The following BCL7C variants were observed in gnomAD, a reference collection of about 807,000 sequenced individuals.
BCL7C encodes B-cell CLL/lymphoma 7 protein family member C.
BCL7C carries 8 observed loss-of-function variants against 26.2 expected under a neutral mutation model. The observed-to-expected ratio is 0.30, with a 90% CI of 0.18 to 0.55. The LOEUF is 0.55. BCL7C is among the 20% of genes least tolerant of loss of function. The pLI is 0.93. For synonymous variants in BCL7C, 90 were observed against 116.5 expected (o/e 0.77, Z 1.47); for missense variants, 262 against 298.5 (o/e 0.88, Z 0.90).
chr16:30,850,527 T>C (rs957183199), intron 5 of BCL7C, among the ~76,000 whole-genome samples: 17 of 152,174 alleles, frequency 1.1e-4, no homozygotes, highest in African/African-American at 3.9e-4. Context: ...CTAGACTATA[T>C]CATATAGACT....
chr16:30,860,343 G>A (rs760952997), intron 5 of BCL7C, among the ~76,000 whole-genome samples: 3 of 152,122 alleles, frequency 2.0e-5, no homozygotes, highest in Non-Finnish European at 4.4e-5. Flanking sequence ...CTGTGGGGAC[G>A]CCTGCTTTGG....
In BCL7C at chr16:30,834,864, T is replaced by C; in HGVS notation, c.*84A>G. 2 of 1,345,872 alleles carry C rather than the reference T, an allele frequency of 1.5e-6. No individual in the cohort carries two copies. The highest frequency in any genetic ancestry group is 2.0e-6 in the Non-Finnish European group (2 of 1,009,506). The allele number at this position is 1,345,872 out of a possible 1,614,324, so 83.4% of individuals were successfully genotyped here. A position where few individuals can be genotyped will look rare whatever the true frequency, so the allele number is the denominator to read the frequency against. ...GCGGTGGGTGAGCTGGGAAGCTCTT[T>C]CCGCCCTCGGGGCACAGGTAGTGGC... On this transcript the variant is annotated 3_prime_UTR_variant, in exon 6 of 6. Coordinates refer to the BCL7C transcript ENST00000380317. This position sits in a 1 kb window ranked among gnomAD's most constrained non-coding sequence, Gnocchi z 4.3.
chr16:30,866,786 T>A (rs1227308738), intron 5 of BCL7C, among the ~76,000 whole-genome samples: 1 of 152,084 alleles, frequency 6.6e-6, no homozygotes, highest in Non-Finnish European at 1.5e-5. Flanking sequence ...GGGCGTGCCG[T>A]CTCATGCCTG....
At chr16:30,892,547 A>G (rs2143186498) in intron 4 of BCL7C, 39 bp downstream of exon 4, 1 of 1,525,004 alleles carries the variant, frequency 6.6e-7, no homozygotes, top group Non-Finnish European at 8.8e-7. Context: ...AGAAGACAGG[A>G]CTTAGAGGAG....
Position 30,893,312 on chromosome 16 carries a change from G to A in BCL7C, c.93-22C>T. ...CTCCCTGTGGGAGGGTGGGGGGCTGGGTCAGAGAGGCCTGAGGGGAGACCC... is the reference window on the plus strand; with the variant it reads ...CTCCCTGTGGGAGGGTGGGGGGCTGAGTCAGAGAGGCCTGAGGGGAGACCC... On this transcript the variant is annotated intron_variant, in intron 1 of 5. Transcript: ENST00000215115. This position sits in a 1 kb window ranked among gnomAD's most constrained non-coding sequence, Gnocchi z 5.2. The A allele has an allele frequency of 5.0e-6, 8 of 1,607,388 alleles. No homozygotes were observed. The highest frequency in any genetic ancestry group is 6.8e-6 in the Non-Finnish European group (8 of 1,175,604).
chr16:30,860,657 A>G (rs1257781243), intron 5 of BCL7C, among the ~76,000 whole-genome samples: 1 of 152,170 alleles, frequency 6.6e-6, no homozygotes, highest in African/African-American at 2.4e-5. Flanking sequence ...TTGTTGTAAA[A>G]TGGGCAAATG....
At chr16:30,871,916 G>A (rs2054885580) in intron 5 of BCL7C, among the ~76,000 whole-genome samples, 1 of 152,088 alleles carries the variant, frequency 6.6e-6, no homozygotes, top group Non-Finnish European at 1.5e-5. Flanking sequence ...CTCAAGTTTG[G>A]GTCAAGTTGA....
intron 5 of BCL7C, among the ~76,000 whole-genome samples, chr16:30,866,759 T>C (rs548154228): frequency 7.9e-4 from 120 of 152,222 alleles, no homozygotes; most frequent in African/African-American, 2.8e-3. Context: ...TAACCTATTA[T>C]AAGTCAGAGG....
At chr16:30,870,590 G>A (rs894110963) in intron 5 of BCL7C, among the ~76,000 whole-genome samples, 6 of 151,948 alleles carry the variant, frequency 3.9e-5, no homozygotes, top group Non-Finnish European at 5.9e-5. Context: ...CAGGAGGATC[G>A]CTTGAGCCCA....
intron 5 of BCL7C, among the ~76,000 whole-genome samples, chr16:30,841,101 T>C (rs766573125): frequency 2.6e-5 from 4 of 152,076 alleles, no homozygotes; most frequent in Non-Finnish European, 4.4e-5. Flanking sequence ...CTTGAGCACT[T>C]AGAAGGGAGC....
intron 5 of BCL7C, among the ~76,000 whole-genome samples, chr16:30,882,110 A>G (rs1219873571): frequency 6.6e-6 from 1 of 151,850 alleles, no homozygotes; most frequent in Non-Finnish European, 1.5e-5. Context: ...ATAGGCACCC[A>G]CTACCAGGCC....
At chr16:30,845,507 G>A (rs2054628587) in intron 5 of BCL7C, among the ~76,000 whole-genome samples, 2 of 152,166 alleles carry the variant, frequency 1.3e-5, no homozygotes, top group Non-Finnish European at 2.9e-5. Flanking sequence ...ACAGTGCTTG[G>A]TGGAATAGCA....
At chr16:30,833,929 G>T (rs1054298272) in exon 6 of BCL7C, 6 of 152,220 alleles carry the variant, frequency 3.9e-5, no homozygotes, top group Non-Finnish European at 7.3e-5. Flanking sequence ...CTTTGGGCAG[G>T]TTCCTTAACC....
intron 5 of BCL7C, among the ~76,000 whole-genome samples, chr16:30,874,096 A>C (rs2054910056): frequency 6.7e-6 from 1 of 150,328 alleles, no homozygotes. Flanking sequence ...CCCGGGTTCA[A>C]GGGATTCTCC....
intron 5 of BCL7C, among the ~76,000 whole-genome samples, chr16:30,867,254 TG>T (rs1423142752): frequency 6.6e-6 from 1 of 152,296 alleles, no homozygotes; most frequent in East Asian, 1.9e-4. Flanking sequence ...TTTCTTGGTT[TG>T]GGTGGTGGTT....
At chr16:30,857,543 A>C (rs186138678) in intron 5 of BCL7C, among the ~76,000 whole-genome samples, 2 of 152,252 alleles carry the variant, frequency 1.3e-5, no homozygotes, top group African/African-American at 4.8e-5. Flanking sequence ...TGGTTCTCAC[A>C]GGTCTCTTAG....
In BCL7C at chr16:30,893,066, G is replaced by A. The variant is rs1267647811; in HGVS notation, c.172-118C>T. The stretch of plus-strand genomic sequence containing the variant: ...CAGGGGGTGTGGAGCAGAAAAGAGG[G>A]CAAAAGGGGAGGAGCTGCTAATGAT... On this transcript the variant is annotated intron_variant, in intron 2 of 5. Transcript: ENST00000215115. The surrounding 1 kb of genome is among the most constrained non-coding windows in gnomAD (Gnocchi z 5.2). 1.6e-6 allele frequency: 2 copies of A among 1,237,368 alleles called. No individual in the cohort carries two copies. Among genetic ancestry groups the A allele is most frequent in the African/African-American group, 1.5e-5 (1 of 66,394 alleles). 76.6% of individuals were successfully genotyped at this position (1,237,368 alleles called of 1,614,324 possible). A position where few individuals can be genotyped will look rare whatever the true frequency, so the allele number is the denominator to read the frequency against.
In BCL7C at chr16:30,892,870, C is replaced by G; in HGVS notation, c.250G>C (p.Gly84Arg). The change falls in exon 3 of 6, where the codon GGT (glycine) becomes CGT (arginine). Residue 84 changes from glycine (G) to arginine (R), a missense_variant. Gly to Arg is a moderately radical substitution (Grantham distance 125). Transcript: ENST00000215115. ...RRGRGASPRG[G>R]GPLILLDLND... ...AGATCCAGCAGGATGAGAGGGCCACCCCCTCGGGGACTGGCGCCCCTGCCC... is the reference window on the plus strand; with the variant it reads ...AGATCCAGCAGGATGAGAGGGCCACGCCCTCGGGGACTGGCGCCCCTGCCC... The G allele has an allele frequency of 6.2e-7, 1 of 1,613,074 alleles. No individual in the cohort carries two copies. The highest frequency in any genetic ancestry group is 2.2e-5 in the East Asian group (1 of 44,876).
At chr16:30,884,988 T>C (rs150466015), downstream of BCL7C, among the ~76,000 whole-genome samples, 5 of 152,170 alleles carry the variant, frequency 3.3e-5, no homozygotes, top group African/African-American at 1.2e-4. Context: ...TCGGGAGTGG[T>C]TGAGGGGAGT....
Sources: allele counts gnomAD v4.1 joint callset (sites outside exome capture counted in the v4.1 genomes callset), GRCh38; gene constraint gnomAD v4.1.1; non-coding constraint Gnocchi (gnomAD v3.1); transcripts MANE v1.5; gene names NCBI Gene and HGNC (gene_info 2026-07-23, HGNC 2026-07-21).